The following GUCY1A2 variants were observed in gnomAD, a reference collection of about 807,000 sequenced individuals.
The protein encoded by GUCY1A2 is guanylate cyclase 1 soluble subunit alpha 2.
Under a neutral mutation model 63.5 loss-of-function variants are expected in GUCY1A2, and 27 were observed. The observed-to-expected ratio is 0.43, with a 90% CI of 0.31 to 0.59. GUCY1A2 has a LOEUF of 0.59. Ranked by LOEUF, GUCY1A2 falls within the 20% of genes least tolerant of loss-of-function variation. GUCY1A2 has a pLI of 0.11. For synonymous variants in GUCY1A2, 364 were observed against 343.5 expected, an observed-to-expected ratio of 1.06 and a Z score of -0.66; for missense variants, 768 against 913.3, an observed-to-expected ratio of 0.84 and a Z score of 2.05.
chr11:106,841,955 C>T lies in GUCY1A2; in HGVS notation c.1207-31477G>A, dbSNP rs142994136. On this transcript the variant is annotated intron_variant, in intron 4 of 7. Coordinates refer to ENST00000526355, the MANE Select transcript of GUCY1A2 (RefSeq NM_000855.3). ...AGAACCACCTTCCACCTTCTGTACC[C>T]TGCTCTGTACCCCAGGAAGATGACT... is the stretch of plus-strand genomic sequence containing the variant. Among the ~76,000 whole-genome samples the T allele has an allele frequency of 2.6e-5, 4 of 151,938 alleles. No homozygotes were observed. In the East Asian group the frequency reaches 7.8e-4, roughly 30 times the overall value.
intron 1 of GUCY1A2, among the ~76,000 whole-genome samples, chr11:107,000,844 G>C (rs754768056): frequency 3.6e-4 from 55 of 152,030 alleles, no homozygotes; most frequent in Non-Finnish European, 7.4e-4. Flanking sequence ...TTAAAATCAA[G>C]ACATGATTCA....
chr11:107,015,309 T>G (rs1363320357), intron 1 of GUCY1A2, among the ~76,000 whole-genome samples: 1 of 152,138 alleles, frequency 6.6e-6, no homozygotes, highest in Non-Finnish European at 1.5e-5. Flanking sequence ...CACAATTATT[T>G]TTAAATTGCT....
Position 106,911,691 on chromosome 11 carries a change from G to A in GUCY1A2, c.1206+27769C>T, listed in dbSNP as rs181066404. Among the ~76,000 whole-genome samples the A allele has an allele frequency of 4.9e-3, 743 of 152,148 alleles. 25 individuals are homozygous for A. The highest frequency in any genetic ancestry group is 1.0e-3 in the Non-Finnish European group (70 of 67,956). On this transcript the variant is annotated intron_variant, in intron 4 of 7. Transcript: ENST00000526355. ...TTTTTGTTCTACTATCAAGAAGGAA[G>A]AACCTTATTTTTGTGTGTGCACAAA...
rs987469141 is a variant in GUCY1A2, at chr11:106,740,488, C to T, written c.1837-31822G>A. 3.3e-5 allele frequency among the ~76,000 whole-genome samples: 5 copies of T among 152,122 alleles called. No homozygotes were observed. In the East Asian group the frequency reaches 9.6e-4, roughly 29 times the overall value. On this transcript the variant is annotated intron_variant, in intron 6 of 7. Coordinates refer to ENST00000526355, the MANE Select transcript of GUCY1A2 (RefSeq NM_000855.3). Reference sequence around the variant, plus strand: ...TGTTTCAGCAGCCTGTTTCTTGTCACCAAGACTTAACTTACACTGTCTTCT... The same window carrying T: ...TGTTTCAGCAGCCTGTTTCTTGTCATCAAGACTTAACTTACACTGTCTTCT...
rs1860369571 is a variant in GUCY1A2 at position 106,916,330 on chromosome 11, A to G, written c.1206+23130T>C. 1.4e-5 allele frequency among the ~76,000 whole-genome samples: 2 copies of G among 145,570 alleles called. 1 individual carries two copies. The highest frequency in any genetic ancestry group is 3.1e-5 in the Non-Finnish European group (2 of 64,734). On this transcript the variant is annotated intron_variant, in intron 4 of 7. Coordinates refer to ENST00000526355, the MANE Select transcript of GUCY1A2 (RefSeq NM_000855.3). ...ATGGGTTGCAGATTATCAGTCTATC[A>G]GTCTATATATGTAAAACAAATGTTA...
At chr11:106,764,334 C>T (rs557917690) in intron 6 of GUCY1A2, among the ~76,000 whole-genome samples, 19 of 152,034 alleles carry the variant, frequency 1.2e-4, no homozygotes, top group South Asian at 6.2e-4. Context: ...CATATTAATA[C>T]ATTCCAGTTG....
intron 4 of GUCY1A2, among the ~76,000 whole-genome samples, chr11:106,891,957 A>T (rs1343573795): frequency 6.6e-6 from 1 of 152,118 alleles, no homozygotes. Context: ...ATTGGGATGC[A>T]CTGGAGTTAT....
At chr11:106,751,081 G>C (rs1007622741) in intron 6 of GUCY1A2, among the ~76,000 whole-genome samples, 1 of 151,970 alleles carries the variant, frequency 6.6e-6, no homozygotes, top group Non-Finnish European at 1.5e-5. Context: ...CATTTTAATG[G>C]GATATTGTCA....
chr11:106,977,815 C>A (rs143197404), intron 3 of GUCY1A2, among the ~76,000 whole-genome samples: 2 of 152,100 alleles, frequency 1.3e-5, no homozygotes, highest in Non-Finnish European at 2.9e-5. Context: ...CCCACTAGCA[C>A]CCTCCAGCAC....
rs549098237 is a variant in GUCY1A2 at position 106,745,213 on chromosome 11, G to A, written c.1836+31226C>T. 5.3e-5 allele frequency among the ~76,000 whole-genome samples: 8 copies of A among 152,250 alleles called. No homozygotes were observed. In the South Asian group the frequency reaches 1.7e-3, roughly 32 times the overall value. On this transcript the variant is annotated intron_variant, in intron 6 of 7. Coordinates refer to ENST00000526355, the MANE Select transcript of GUCY1A2 (RefSeq NM_000855.3). ...ATATTTAGACTGAAAACTAGTTTCT[G>A]TATTTTTATTTAATGGCATTCTATA...
chr11:106,986,487 T>A (rs1205541205), intron 1 of GUCY1A2, among the ~76,000 whole-genome samples: 1 of 152,184 alleles, frequency 6.6e-6, no homozygotes, highest in East Asian at 1.9e-4. Flanking sequence ...GTCACGGTTT[T>A]TCCTTTCCAG....
At chr11:106,984,478 A>T (rs557432481) in intron 2 of GUCY1A2, among the ~76,000 whole-genome samples, 3 of 152,292 alleles carry the variant, frequency 2.0e-5, no homozygotes, top group African/African-American at 7.2e-5. Flanking sequence ...TGATTATAGC[A>T]ATATAGTTTG....
intron 4 of GUCY1A2, among the ~76,000 whole-genome samples, chr11:106,860,582 G>A (rs1283141514): frequency 1.3e-5 from 2 of 151,910 alleles, no homozygotes; most frequent in East Asian, 3.9e-4. Context: ...AGACAACCAA[G>A]CATATTCAAC....
intron 4 of GUCY1A2, among the ~76,000 whole-genome samples, chr11:106,820,395 T>TA (rs953808469): frequency 1.3e-4 from 20 of 152,034 alleles, no homozygotes; most frequent in South Asian, 2.1e-4. Flanking sequence ...AAGCACTTTT[T>TA]AAAAAAAATA....
intron 6 of GUCY1A2, 96 bp from the exon 7 acceptor site, chr11:106,708,762 T>A (rs1176167731): frequency 3.6e-5 from 26 of 719,464 alleles, no homozygotes; most frequent in Middle Eastern, 4.4e-4. Context: ...ATAATAATAA[T>A]AAAAAAAAAC....
chr11:106,952,447 T>A (rs1314151863), intron 3 of GUCY1A2, among the ~76,000 whole-genome samples: 1 of 152,046 alleles, frequency 6.6e-6, no homozygotes. Flanking sequence ...CTTGAAGAGG[T>A]CTTCACATCC....
At chr11:106,914,779 A>G (rs1389854959) in intron 4 of GUCY1A2, among the ~76,000 whole-genome samples, 4 of 152,194 alleles carry the variant, frequency 2.6e-5, no homozygotes, top group East Asian at 3.9e-4. Context: ...GCAACAGTAT[A>G]AAGTATTTTG....
Position 106,687,023 on chromosome 11 carries a change from A to G in GUCY1A2, c.*526T>C. ...ATCTAGAAGAGATATGTATAAAAAT[A>G]GGTAATATCCCTAAAATATTTTGCC... On this transcript the variant is annotated 3_prime_UTR_variant, in exon 8 of 8. Transcript: ENST00000526355. 1 of 213,822 alleles carries G rather than the reference A, an allele frequency of 4.7e-6. No individual in the cohort carries two copies. Among genetic ancestry groups the G allele is most frequent in the Non-Finnish European group, 9.5e-6 (1 of 105,724 alleles). 13.2% of individuals were successfully genotyped at this position (213,822 alleles called of 1,614,324 possible). A position where few individuals can be genotyped will look rare whatever the true frequency, so the allele number is the denominator to read the frequency against.
At chr11:106,844,022 G>T (rs1402508632) in intron 4 of GUCY1A2, among the ~76,000 whole-genome samples, 1 of 151,782 alleles carries the variant, frequency 6.6e-6, no homozygotes, top group Non-Finnish European at 1.5e-5. Context: ...ATATGAAAAA[G>T]ACACTTGCAC....
Sources: gnomAD v4.1 joint callset for allele counts (sites outside exome capture counted in the v4.1 genomes callset) on GRCh38, gnomAD v4.1.1 for gene constraint, MANE v1.5 for transcripts, NCBI Gene and HGNC (gene_info 2026-07-23, HGNC 2026-07-21) for gene names.